Variants in DLGAP1 observed in about 807,000 individuals in gnomAD.
DLGAP1 encodes disks large-associated protein 1.
In DLGAP1, 11 loss-of-function variants were observed where a neutral mutation model predicts 90.8. That is an observed-to-expected ratio of 0.12 (90% CI 0.08 to 0.20). DLGAP1 has a LOEUF of 0.20. DLGAP1 is among the 10% of genes least tolerant of loss of function. The probability of loss-of-function intolerance (pLI) is 1.00; values close to 1 mark genes in which losing one functional copy is unlikely to be tolerated. For synonymous variants in DLGAP1, 558 were observed against 540.7 expected (o/e 1.03, Z -0.44); for missense variants, 1,050 against 1,333.8 (o/e 0.79, Z 3.31).
At chr18:4,179,091 G>A (rs981644363) in intron 1 of DLGAP1, among the ~76,000 whole-genome samples, 4 of 152,132 alleles carry the variant, frequency 2.6e-5, no homozygotes, top group African/African-American at 7.2e-5. Flanking sequence ...TAGCTCCTTC[G>A]CAGGACAACA....
intron 8 of DLGAP1, among the ~76,000 whole-genome samples, chr18:3,578,994 C>A (rs557494616): frequency 6.6e-6 from 1 of 152,106 alleles, no homozygotes; most frequent in South Asian, 2.1e-4. Context: ...AACTTTTCTC[C>A]CCAATGGTAT....
chr18:4,141,888 A>G (rs1450255187), intron 2 of DLGAP1, among the ~76,000 whole-genome samples: 1 of 151,938 alleles, frequency 6.6e-6, no homozygotes, highest in East Asian at 1.9e-4. Flanking sequence ...TTTATCTTGA[A>G]ATTTGTTGAG....
At chr18:3,577,466 G>A (rs911072147) in intron 8 of DLGAP1, among the ~76,000 whole-genome samples, 2 of 152,136 alleles carry the variant, frequency 1.3e-5, no homozygotes, top group East Asian at 1.9e-4. Flanking sequence ...AATTAAAAAC[G>A]CTTAGGATGT....
chr18:3,915,508 T>G (rs920817676), intron 3 of DLGAP1, among the ~76,000 whole-genome samples: 2 of 152,200 alleles, frequency 1.3e-5, no homozygotes, highest in African/African-American at 2.4e-5. Flanking sequence ...TGGAAGCTGC[T>G]AATTGCAACT....
At chr18:3,843,219 C>T (rs2068819176) in intron 4 of DLGAP1, among the ~76,000 whole-genome samples, 1 of 152,134 alleles carries the variant, frequency 6.6e-6, no homozygotes, top group Non-Finnish European at 1.5e-5. Context: ...ATAACACATG[C>T]CTTGCATTTG....
At chr18:4,372,541 G>T (rs1360541287) in intron 1 of DLGAP1, among the ~76,000 whole-genome samples, 1 of 152,198 alleles carries the variant, frequency 6.6e-6, no homozygotes, top group Non-Finnish European at 1.5e-5. Flanking sequence ...AGAGGAAGGG[G>T]TATAGATTTG....
At chr18:3,724,044 G>A (rs2147379713) in intron 7 of DLGAP1, among the ~76,000 whole-genome samples, 1 of 152,320 alleles carries the variant, frequency 6.6e-6, no homozygotes, top group South Asian at 2.1e-4. Context: ...TAGAGTATTG[G>A]TGGGGCATAG....
Position 4,002,432 on chromosome 18 carries a change from C to T in DLGAP1, c.-73+2684G>A, listed in dbSNP as rs917510105. Among the ~76,000 whole-genome samples, 3 of 152,198 alleles carry T rather than the reference C, an allele frequency of 2.0e-5. No homozygotes were observed. The South Asian group carries it at 6.2e-4, about 31-fold the overall frequency. On this transcript the variant is annotated intron_variant, in intron 3 of 12. Transcript: ENST00000315677. The stretch of plus-strand genomic sequence containing the variant: ...CCCGAGACAGCAAGACCAGACCCAT[C>T]TCTTCTCCCTCATCAGCCTACTCAA...
intron 9 of DLGAP1, among the ~76,000 whole-genome samples, chr18:3,538,878 A>G (rs2052532019): frequency 6.6e-6 from 1 of 152,234 alleles, no homozygotes; most frequent in South Asian, 2.1e-4. Context: ...CATTCCTAAC[A>G]GCCATCTCCT....
intron 1 of DLGAP1, among the ~76,000 whole-genome samples, chr18:4,284,309 C>T (rs1598810547): frequency 6.6e-6 from 1 of 151,362 alleles, no homozygotes; most frequent in East Asian, 2.0e-4. Context: ...CCAGAAAGTA[C>T]AAGCCGAACA....
intron 2 of DLGAP1, among the ~76,000 whole-genome samples, chr18:4,128,641 C>A (rs181822635): frequency 6.6e-6 from 1 of 152,144 alleles, no homozygotes; most frequent in Non-Finnish European, 1.5e-5. Context: ...CAGAGAGACA[C>A]GGGTCCTTAC....
At chr18:4,029,567 G>A (rs2074759258) in intron 2 of DLGAP1, among the ~76,000 whole-genome samples, 1 of 152,094 alleles carries the variant, frequency 6.6e-6, no homozygotes, top group Admixed American at 6.6e-5. Context: ...CCATTTCCCA[G>A]GCCTATCCTT....
intron 3 of DLGAP1, among the ~76,000 whole-genome samples, chr18:3,993,365 T>C (rs934236611): frequency 1.3e-5 from 2 of 152,202 alleles, no homozygotes; most frequent in East Asian, 3.9e-4. Flanking sequence ...TCTCATTGAT[T>C]TTAATCAATT....
At chr18:4,240,035 G>A (rs1287481139) in intron 1 of DLGAP1, among the ~76,000 whole-genome samples, 1 of 152,060 alleles carries the variant, frequency 6.6e-6, no homozygotes, top group Non-Finnish European at 1.5e-5. Context: ...CCTCCAAAGA[G>A]ACATTTCCTT....
Position 3,880,147 on chromosome 18 carries a change from G to C in DLGAP1, c.-72-7C>G. On this transcript the variant is annotated splice_polypyrimidine_tract_variant and splice_region_variant and intron_variant, in intron 3 of 12. Coordinates refer to ENST00000315677, the MANE Select transcript of DLGAP1 (RefSeq NM_004746.4). Reference sequence around the variant, plus strand: ...ACCCGTCTTGGGCAGGGATCTGGGGGAATGAAGAAAAGGGCAAAGTCGTTA... The same window carrying C: ...ACCCGTCTTGGGCAGGGATCTGGGGCAATGAAGAAAAGGGCAAAGTCGTTA... 6 of 1,370,872 alleles carry C rather than the reference G, an allele frequency of 4.4e-6. No individual in the cohort carries two copies. Among genetic ancestry groups the C allele is most frequent in the Non-Finnish European group, 6.1e-6 (6 of 985,072 alleles). 84.9% of individuals were successfully genotyped at this position (1,370,872 alleles called of 1,614,324 possible). A position where few individuals can be genotyped will look rare whatever the true frequency, so the allele number is the denominator to read the frequency against.
rs116507590 is a variant in DLGAP1, at chr18:4,146,507, C to T, written c.-159+4673G>A. Reference sequence around the variant, plus strand: ...TACCTTGAAATTGCAAGATAAGGCACTAGAATGGATTCCAGGGGTTATTTG... The same window carrying T: ...TACCTTGAAATTGCAAGATAAGGCATTAGAATGGATTCCAGGGGTTATTTG... On this transcript the variant is annotated intron_variant, in intron 2 of 12. Transcript: ENST00000315677. Among the ~76,000 whole-genome samples, 1,273 of 152,218 alleles carry T rather than the reference C, an allele frequency of 8.4e-3. 13 individuals carry two copies. The highest frequency in any genetic ancestry group is 0.029 in the African/African-American group (1,225 of 41,532).
At chr18:4,198,501 C>T (rs768028294) in intron 1 of DLGAP1, among the ~76,000 whole-genome samples, 2 of 152,012 alleles carry the variant, frequency 1.3e-5, no homozygotes, top group African/African-American at 2.4e-5. Flanking sequence ...GAATAATGCA[C>T]ATTTAACGCA....
At chr18:3,857,885 C>T (rs1262081561) in intron 4 of DLGAP1, among the ~76,000 whole-genome samples, 2 of 152,192 alleles carry the variant, frequency 1.3e-5, no homozygotes, top group Admixed American at 6.5e-5. Context: ...TCTTCCTCAT[C>T]CACCCCACTC....
intron 4 of DLGAP1, among the ~76,000 whole-genome samples, chr18:3,876,265 A>C (rs1224829963): frequency 2.0e-5 from 3 of 152,072 alleles, no homozygotes; most frequent in Non-Finnish European, 4.4e-5. Flanking sequence ...CTGACCCCAT[A>C]TGAATATATG....
Sources: gnomAD v4.1 joint callset for allele counts (sites outside exome capture counted in the v4.1 genomes callset) on GRCh38, gnomAD v4.1.1 for gene constraint, MANE v1.5 for transcripts, NCBI Gene and HGNC (gene_info 2026-07-23, HGNC 2026-07-21) for gene names.